LRFN2: variants seen among roughly 807,000 people sequenced by gnomAD.
The protein encoded by LRFN2 is leucine rich repeat and fibronectin type III domain containing 2.
LRFN2 carries 18 observed loss-of-function variants against 37.3 expected under a neutral mutation model. The ratio of observed to expected loss-of-function variants is 0.48; its 90% CI spans 0.33 to 0.72. LRFN2 has a LOEUF of 0.72. Ranked by LOEUF, LRFN2 falls within the 30% of genes least tolerant of loss-of-function variation. The pLI is 0.02. For synonymous variants in LRFN2, 556 were observed against 466.6 expected, an observed-to-expected ratio of 1.19 and a Z score of -2.47; for missense variants, 1,006 against 1,060.7, an observed-to-expected ratio of 0.95 and a Z score of 0.72.
chr6:40,453,950 C>A (rs1764178847), intron 1 of LRFN2, among the ~76,000 whole-genome samples: 1 of 152,142 alleles, frequency 6.6e-6, no homozygotes, highest in African/African-American at 2.4e-5. Flanking sequence ...TTCAGGTAAA[C>A]CCTCCAGTCC....
At chr6:40,504,357 C>T (rs925862327) in intron 1 of LRFN2, among the ~76,000 whole-genome samples, 1 of 152,210 alleles carries the variant, frequency 6.6e-6, no homozygotes, top group Non-Finnish European at 1.5e-5. Context: ...GGAATAATCA[C>T]AGGACGATCT....
intron 1 of LRFN2, among the ~76,000 whole-genome samples, chr6:40,555,123 T>C (rs1347047012): frequency 6.6e-6 from 1 of 152,134 alleles, no homozygotes; most frequent in Non-Finnish European, 1.5e-5. Context: ...GAAAGGCCAG[T>C]AGAATTAAAA....
intron 1 of LRFN2, among the ~76,000 whole-genome samples, chr6:40,553,415 T>C (rs1766813774): frequency 6.6e-6 from 1 of 152,208 alleles, no homozygotes; most frequent in South Asian, 2.1e-4. Flanking sequence ...AAAGGAAAGC[T>C]GGATACTCTC....
chr6:40,577,830 T>TA (rs765192155), intron 1 of LRFN2, among the ~76,000 whole-genome samples: 70,179 of 142,932 alleles, frequency 0.49, 17,259 homozygotes, highest in Middle Eastern at 0.6. Flanking sequence ...AAAATAAAAA[T>TA]AAATAAAAAT....
chr6:40,416,796 A>AT (rs1277643947), intron 2 of LRFN2, among the ~76,000 whole-genome samples: 1 of 152,178 alleles, frequency 6.6e-6, no homozygotes, highest in African/African-American at 2.4e-5. Context: ...CGCCAGTCCC[A>AT]GGAAAAAACC....
At chr6:40,516,925 T>C (rs1305876629) in intron 1 of LRFN2, among the ~76,000 whole-genome samples, 1 of 152,166 alleles carries the variant, frequency 6.6e-6, no homozygotes, top group African/African-American at 2.4e-5. Flanking sequence ...CTCCATTCCT[T>C]CCATAGCTAT....
intron 2 of LRFN2, among the ~76,000 whole-genome samples, chr6:40,425,040 C>T (rs934707937): frequency 6.6e-6 from 1 of 152,182 alleles, no homozygotes; most frequent in Non-Finnish European, 1.5e-5. Flanking sequence ...TTGTCCTTTC[C>T]CCAGATAGGA....
At chr6:40,460,436 C>T (rs1385232186) in intron 1 of LRFN2, among the ~76,000 whole-genome samples, 3 of 152,060 alleles carry the variant, frequency 2.0e-5, no homozygotes, top group African/African-American at 7.2e-5. Context: ...CTACCATGAG[C>T]ATAGGAGGGG....
chr6:40,511,725 G>A (rs1765713913), intron 1 of LRFN2, among the ~76,000 whole-genome samples: 1 of 152,226 alleles, frequency 6.6e-6, no homozygotes, highest in African/African-American at 2.4e-5. Flanking sequence ...GTGAGAACCA[G>A]GTGTGGGTGC....
Position 40,435,036 on chromosome 6 carries a change from T to G in LRFN2, c.-18-1905A>C, listed in dbSNP as rs1367984706. Among the ~76,000 whole-genome samples, 44 of 92,982 alleles carry G rather than the reference T, an allele frequency of 4.7e-4. No homozygotes were observed. The East Asian group carries it at 5.3e-3, about 11-fold the overall frequency. The allele number at this position is 92,982 out of a possible 152,430, so 61.0% of individuals were successfully genotyped here. A position where few individuals can be genotyped will look rare whatever the true frequency, so the allele number is the denominator to read the frequency against. On this transcript the variant is annotated intron_variant, in intron 1 of 2. Coordinates refer to ENST00000338305, the MANE Select transcript of LRFN2 (RefSeq NM_020737.3). ...TTACATATATATATATATATATATATATATATATATATATATAGAGAGAGA... is the reference window on the plus strand; with the variant it reads ...TTACATATATATATATATATATATAGATATATATATATATATAGAGAGAGA...
chr6:40,467,025 C>A (rs1211084534), intron 1 of LRFN2, among the ~76,000 whole-genome samples: 1 of 152,064 alleles, frequency 6.6e-6, no homozygotes, highest in African/African-American at 2.4e-5. Context: ...TCAAAAGAAG[C>A]CAACCCTGCC....
chr6:40,403,852 C>T (rs1762791697), intron 2 of LRFN2, among the ~76,000 whole-genome samples: 1 of 152,210 alleles, frequency 6.6e-6, no homozygotes, highest in Non-Finnish European at 1.5e-5. Context: ...AGTCAAAGTC[C>T]TCACATGGCT....
intron 1 of LRFN2, among the ~76,000 whole-genome samples, chr6:40,515,459 C>G (rs1765838324): frequency 6.6e-6 from 1 of 152,168 alleles, no homozygotes; most frequent in African/African-American, 2.4e-5. Flanking sequence ...TCCCTTTGCC[C>G]TTTCCATGAC....
chr6:40,534,607 C>G (rs1766416164), intron 1 of LRFN2, among the ~76,000 whole-genome samples: 1 of 152,134 alleles, frequency 6.6e-6, no homozygotes, highest in Non-Finnish European at 1.5e-5. Flanking sequence ...AACAATATTT[C>G]ATAAAGATTT....
At chr6:40,561,841 TG>T (rs1444907964) in intron 1 of LRFN2, among the ~76,000 whole-genome samples, 1 of 151,782 alleles carries the variant, frequency 6.6e-6, no homozygotes, top group Non-Finnish European at 1.5e-5. Context: ...ACAGCAGGCC[TG>T]GGAGGCCCAC....
chr6:40,394,419 C>T (rs369383547), intron 2 of LRFN2, among the ~76,000 whole-genome samples: 1 of 152,250 alleles, frequency 6.6e-6, no homozygotes, highest in East Asian at 1.9e-4. Context: ...TATCAGTTCC[C>T]ATCAACCCCT....
rs201374975 is a variant in LRFN2 at position 40,514,324 on chromosome 6, GT to G, written c.-19+72616del. ...TATATGAGTTTTTTTTGTTTGTTTTGTTTTTTTCTAGACGGAATCTTGCTCT... is the reference window on the plus strand; with the variant it reads ...TATATGAGTTTTTTTTGTTTGTTTTGTTTTTTCTAGACGGAATCTTGCTCT... On this transcript the variant is annotated intron_variant, in intron 1 of 2. Transcript: ENST00000338305. 3.4e-3 allele frequency among the ~76,000 whole-genome samples: 515 copies of G among 152,020 alleles called. 4 individuals are homozygous for G. Among genetic ancestry groups the G allele is most frequent in the Non-Finnish European group, 4.8e-3 (328 of 67,972 alleles).
In LRFN2 at chr6:40,392,350, G is replaced by A. The variant is rs781110254; in HGVS notation, c.1963C>T (p.Arg655Cys). 5 of 1,608,606 alleles carry A rather than the reference G, an allele frequency of 3.1e-6. No homozygotes were observed. The highest frequency in any genetic ancestry group is 3.4e-6 in the Non-Finnish European group (4 of 1,178,038). Reference sequence around the variant, plus strand: ...AGGGAGGCGAAGGCCCCCATCAGGCGGTCAAGGCTGGGCTTGGGGCGCGGG... The same window carrying A: ...AGGGAGGCGAAGGCCCCCATCAGGCAGTCAAGGCTGGGCTTGGGGCGCGGG... Reference protein sequence around the residue: ...SAPRPKPSLDRLMGAFASLDL... With the variant: ...SAPRPKPSLDCLMGAFASLDL... The change falls in exon 3 of 3, where the codon CGC becomes TGC. Residue 655 changes from arginine (R) to cysteine (C), a missense_variant. Arg to Cys is a radical substitution (Grantham distance 180). Coordinates refer to ENST00000338305, the MANE Select transcript of LRFN2 (RefSeq NM_020737.3). This position sits in a 1 kb window ranked among gnomAD's most constrained non-coding sequence, Gnocchi z 4.7.
At chr6:40,435,307 A>T (rs1184290631) in intron 1 of LRFN2, among the ~76,000 whole-genome samples, 1 of 150,958 alleles carries the variant, frequency 6.6e-6, no homozygotes, top group Non-Finnish European at 1.5e-5. Flanking sequence ...GGCACTTGCC[A>T]TCATGCCTGG....
Sources: gnomAD v4.1 joint callset for allele counts (sites outside exome capture counted in the v4.1 genomes callset) on GRCh38, gnomAD v4.1.1 for gene constraint, Gnocchi (gnomAD v3.1) non-coding constraint, MANE v1.5 for transcripts, NCBI Gene and HGNC (gene_info 2026-07-23, HGNC 2026-07-21) for gene names.